Variants in TWF1 observed in about 807,000 individuals in gnomAD.
TWF1 encodes twinfilin actin binding protein 1.
TWF1 carries 14 observed loss-of-function variants against 47.9 expected under a neutral mutation model. That is an observed-to-expected ratio of 0.29 (90% CI 0.19 to 0.46). TWF1 has a LOEUF of 0.46. Ranked by LOEUF, TWF1 falls within the 20% of genes least tolerant of loss-of-function variation. The pLI, the probability that TWF1 is intolerant of heterozygous loss-of-function variation, is 1.00. For missense variants in TWF1, 281 were observed against 409.3 expected (o/e 0.69, Z 2.70); for synonymous variants, 96 against 139.2 (o/e 0.69, Z 2.18).
chr12:43,800,500 T>C lies in TWF1; in HGVS notation c.313A>G (p.Arg105Gly). The change falls in exon 4 of 9, where the codon AGA becomes GGA. Residue 105 changes from arginine to glycine, a missense_variant. Physicochemically the swap from Arg to Gly is moderately radical, Grantham distance 125. Coordinates refer to ENST00000395510, the MANE Select transcript of TWF1 (RefSeq NM_002822.5). The stretch of plus-strand genomic sequence containing the variant: ...CCAAATTCCTTCTTCAGAGTTGCTC[T>C]TGTTGCTGCATACAACATTTTTTGA... ...VRQKMLYAAT[R>G]ATLKKEFGGG... 6.2e-7 allele frequency: 1 copy of C among 1,613,878 alleles called. No homozygotes were observed. The highest frequency in any genetic ancestry group is 8.5e-7 in the Non-Finnish European group (1 of 1,179,934).
chr12:43,798,889 G>A lies in TWF1; in HGVS notation c.483+509C>T, dbSNP rs116388079. 3.2e-3 allele frequency among the ~76,000 whole-genome samples: 481 copies of A among 152,112 alleles called. 3 individuals are homozygous for A. Among genetic ancestry groups the A allele is most frequent in the African/African-American group, 0.011 (450 of 41,534 alleles). ...CTGTAGAAAACACATTAAAAATAAT[G>A]ATAAACTACAAAATAATATGGCTGA... On this transcript the variant is annotated intron_variant, in intron 5 of 8. Transcript: ENST00000395510.
chr12:43,805,983 C>A (rs1942758023), intron 1 of TWF1: 20 of 1,541,182 alleles, frequency 1.3e-5, no homozygotes, highest in Non-Finnish European at 1.7e-5. Context: ...TTCCTTCGCT[C>A]CCCCGAATTT....
Position 43,794,667 on chromosome 12 carries a change from A to G in TWF1, c.*918T>C, listed in dbSNP as rs1382698718. On this transcript the variant is annotated 3_prime_UTR_variant, in exon 9 of 9. Coordinates refer to ENST00000395510, the MANE Select transcript of TWF1 (RefSeq NM_002822.5). ...AGTTAAATGTGTTTTGAAATACAGT[A>G]TTAACTGAGATTATTAAGGTGTTTA... The G allele has an allele frequency of 1.3e-5, 2 of 151,450 alleles. No homozygotes were observed. The highest frequency in any genetic ancestry group is 2.9e-5 in the Non-Finnish European group (2 of 67,878). The allele number at this position is 151,450 out of a possible 1,614,324, so 9.4% of individuals were successfully genotyped here.
intron 6 of TWF1, 23 bp from the exon 7 acceptor site, chr12:43,797,475 G>A: frequency 6.5e-7 from 1 of 1,538,132 alleles, no homozygotes; most frequent in Non-Finnish European, 8.8e-7. Flanking sequence ...AACAAAATAT[G>A]TTCATTAAAA....
intron 8 of TWF1, 82 bp downstream of exon 8, chr12:43,796,894 T>C: frequency 7.3e-7 from 1 of 1,373,120 alleles, no homozygotes; most frequent in Non-Finnish European, 1.0e-6. Context: ...TTTTCATTTA[T>C]AAATCACAGT....
At chr12:43,804,354 T>C in intron 2 of TWF1, 141 bp downstream of exon 2, 6 of 631,338 alleles carry the variant, frequency 9.5e-6, no homozygotes, top group South Asian at 8.8e-5. Flanking sequence ...CTGCACAAAA[T>C]ATGAGGAATC....
chr12:43,805,634 G>A, intron 1 of TWF1: 1 of 522,070 alleles, frequency 1.9e-6, no homozygotes. Context: ...CCCTTGGGGA[G>A]TATCTAGGAA....
At chr12:43,804,427 A>G in intron 2 of TWF1, 68 bp downstream of exon 2, 1 of 965,718 alleles carries the variant, frequency 1.0e-6, no homozygotes, top group South Asian at 1.4e-5. Context: ...CTGACAACAC[A>G]CAGTAAGTTT....
chr12:43,798,077 G>T (rs181210788), intron 5 of TWF1, among the ~76,000 whole-genome samples: 1 of 152,144 alleles, frequency 6.6e-6, no homozygotes, highest in East Asian at 1.9e-4. Context: ...GGTTTGGGTG[G>T]GTTTGTTTTT....
intron 3 of TWF1, 80 bp downstream of exon 3, chr12:43,802,206 T>C (rs1267424747): frequency 2.1e-6 from 2 of 946,568 alleles, no homozygotes; most frequent in Non-Finnish European, 3.0e-6. Flanking sequence ...TTATTGTTTT[T>C]TAACCTTTAT....
At chr12:43,796,243 A>G (rs908718065) in intron 8 of TWF1, among the ~76,000 whole-genome samples, 1 of 152,106 alleles carries the variant, frequency 6.6e-6, no homozygotes, top group African/African-American at 2.4e-5. Context: ...TTTACTTACT[A>G]TTTGGTCCTC....
chr12:43,806,199 G>A (rs1485990560), intron 1 of TWF1, 22 bp downstream of exon 1: 2 of 1,537,906 alleles, frequency 1.3e-6, no homozygotes, highest in East Asian at 2.5e-5. Context: ...CCTTCCCTGC[G>A]AGTCGCGCCG....
At chr12:43,801,618 A>C (rs1942663051) in intron 3 of TWF1, among the ~76,000 whole-genome samples, 1 of 152,184 alleles carries the variant, frequency 6.6e-6, no homozygotes, top group South Asian at 2.1e-4. Flanking sequence ...TAAATGTATG[A>C]TAATACTAAC....
chr12:43,797,505 G>T, intron 6 of TWF1, 53 bp from the exon 7 acceptor site: 1 of 1,443,968 alleles, frequency 6.9e-7, no homozygotes. Context: ...AGGAAATTAA[G>T]TTAAAACATA....
chr12:43,799,978 T>G (rs1298617924), intron 4 of TWF1, among the ~76,000 whole-genome samples: 2 of 152,102 alleles, frequency 1.3e-5, no homozygotes, highest in Non-Finnish European at 2.9e-5. Flanking sequence ...ATCATCAAAA[T>G]TTTGTGGTTT....
intron 8 of TWF1, 126 bp from the exon 9 acceptor site, chr12:43,795,881 A>C: frequency 1.2e-6 from 1 of 857,346 alleles, no homozygotes; most frequent in South Asian, 2.0e-5. Flanking sequence ...ACCATATGTA[A>C]ACAGTTTCAC....
At chr12:43,801,619 T>C (rs984126234) in intron 3 of TWF1, among the ~76,000 whole-genome samples, 1 of 152,220 alleles carries the variant, frequency 6.6e-6, no homozygotes, top group Non-Finnish European at 1.5e-5. Flanking sequence ...AAATGTATGA[T>C]AATACTAACA....
At chr12:43,803,977 C>T (rs1382571252) in intron 2 of TWF1, among the ~76,000 whole-genome samples, 1 of 152,038 alleles carries the variant, frequency 6.6e-6, no homozygotes. Flanking sequence ...TCCCTGTTTA[C>T]AGAATTATTT....
rs1942512599 is a variant in TWF1 at position 43,794,294 on chromosome 12, T to G, written c.*1291A>C. 1 of 152,688 alleles carries G rather than the reference T, an allele frequency of 6.5e-6. No individual in the cohort carries two copies. Among genetic ancestry groups the G allele is most frequent in the South Asian group, 2.1e-4 (1 of 4,836 alleles). 9.5% of individuals were successfully genotyped at this position (152,688 alleles called of 1,614,324 possible). On this transcript the variant is annotated 3_prime_UTR_variant, in exon 9 of 9. Transcript: ENST00000395510. ...AACCCCAAATACTCTAAATTCTATT[T>G]TAAAAATCTGTCAACCCACAATTAT...
Sources: gnomAD v4.1 joint callset for allele counts (sites outside exome capture counted in the v4.1 genomes callset) on GRCh38, gnomAD v4.1.1 for gene constraint, MANE v1.5 for transcripts, NCBI Gene and HGNC (gene_info 2026-07-23, HGNC 2026-07-21) for gene names.